The following STPG2 variants were observed in gnomAD, a reference collection of about 807,000 sequenced individuals.
The protein encoded by STPG2 is sperm-tail PG-rich repeat-containing protein 2.
A neutral mutation model predicts 54.2 loss-of-function variants in STPG2; 56 were observed. The ratio of observed to expected loss-of-function variants is 1.03; its 90% CI spans 0.83 to 1.29. The LOEUF (loss-of-function observed/expected upper bound fraction) is 1.29. STPG2 is among the 50% of genes most tolerant of loss of function. The probability of loss-of-function intolerance (pLI) is 0.00; values close to 1 mark genes in which losing one functional copy is unlikely to be tolerated. For missense variants in STPG2, 596 were observed against 544.9 expected (o/e 1.09, Z -0.93); for synonymous variants, 200 against 181.8 (o/e 1.10, Z -0.81).
At chr4:98,008,706 T>C (rs1209792149) in intron 5 of STPG2, among the ~76,000 whole-genome samples, 2 of 151,860 alleles carry the variant, frequency 1.3e-5, no homozygotes, top group Non-Finnish European at 1.5e-5. Context: ...GTAACAACAT[T>C]ATGAGAGGAA....
chr4:97,774,411 C>T (rs929738138), intron 9 of STPG2, among the ~76,000 whole-genome samples: 9 of 152,132 alleles, frequency 5.9e-5, no homozygotes, highest in African/African-American at 2.2e-4. Context: ...CTCATCACTC[C>T]TCCTCCTCAA....
rs1279051680 is a variant in STPG2 at position 97,905,008 on chromosome 4, T to C, written c.1044+38889A>G. 1.2e-4 allele frequency among the ~76,000 whole-genome samples: 19 copies of C among 152,018 alleles called. No homozygotes were observed. In the East Asian group the frequency reaches 3.1e-3, roughly 25 times the overall value. On this transcript the variant is annotated intron_variant, in intron 8 of 10. Coordinates refer to ENST00000295268, the MANE Select transcript of STPG2 (RefSeq NM_174952.3). The stretch of plus-strand genomic sequence containing the variant: ...GTGTACCTGAAAGTGACGGGGAGAA[T>C]GGAACCAAGTTGGAAAACACTCTGC...
At chr4:97,638,574 A>G (rs1372873140) in intron 10 of STPG2, among the ~76,000 whole-genome samples, 1 of 150,652 alleles carries the variant, frequency 6.6e-6, no homozygotes, top group Non-Finnish European at 1.5e-5. Context: ...AAAATGGGAG[A>G]AAATTTTTGC....
chr4:98,096,210 C>T (rs1738853276), intron 5 of STPG2, among the ~76,000 whole-genome samples: 1 of 152,050 alleles, frequency 6.6e-6, no homozygotes, highest in Non-Finnish European at 1.5e-5. Flanking sequence ...GCCTGGGCAA[C>T]ATGGGGAGAC....
chr4:97,982,690 T>C (rs1241320494), intron 5 of STPG2, among the ~76,000 whole-genome samples: 1 of 152,190 alleles, frequency 6.6e-6, no homozygotes, highest in Non-Finnish European at 1.5e-5. Context: ...TCCTTTAATG[T>C]AGGAACATTT....
intron 8 of STPG2, among the ~76,000 whole-genome samples, chr4:97,861,619 C>T (rs951548321): frequency 6.6e-6 from 1 of 151,794 alleles, no homozygotes; most frequent in African/African-American, 2.4e-5. Flanking sequence ...CATCAGGAGA[C>T]AAATGGATAA....
chr4:97,520,373 A>G (rs945841335), intron 4 of STPG2, among the ~76,000 whole-genome samples: 4 of 152,066 alleles, frequency 2.6e-5, no homozygotes, highest in African/African-American at 9.7e-5. Flanking sequence ...TACACTATAA[A>G]CTAGCCTTGA....
intron 4 of STPG2, among the ~76,000 whole-genome samples, chr4:97,498,598 G>A (rs1331865312): frequency 1.3e-5 from 2 of 150,858 alleles, no homozygotes; most frequent in Non-Finnish European, 3.0e-5. Flanking sequence ...TCTACAGCTG[G>A]AAAGGTAAAA....
chr4:97,640,706 C>CA (rs1214490482), intron 10 of STPG2, among the ~76,000 whole-genome samples: 1 of 150,844 alleles, frequency 6.6e-6, no homozygotes, highest in African/African-American at 2.4e-5. Context: ...TAAATATAAA[C>CA]AAAAAATTTA....
intron 4 of STPG2, among the ~76,000 whole-genome samples, chr4:97,467,210 A>G (rs1729808341): frequency 6.6e-6 from 1 of 151,950 alleles, no homozygotes; most frequent in Admixed American, 6.6e-5. Context: ...TTAAAACCTT[A>G]CAAAATGAGT....
chr4:97,816,569 T>A (rs1727917580), intron 9 of STPG2, among the ~76,000 whole-genome samples: 1 of 152,124 alleles, frequency 6.6e-6, no homozygotes, highest in African/African-American at 2.4e-5. Flanking sequence ...AGAGTGTTTC[T>A]GAAGAGATTA....
At chr4:97,718,766 T>C (rs1229880914) in intron 9 of STPG2, among the ~76,000 whole-genome samples, 2 of 152,114 alleles carry the variant, frequency 1.3e-5, no homozygotes, top group East Asian at 3.9e-4. Context: ...TACAGTATTC[T>C]TTGGTCACTA....
rs188094853 is a variant in STPG2 at position 97,846,784 on chromosome 4, A to G, written c.1045-5852T>C. Among the ~76,000 whole-genome samples the G allele has an allele frequency of 4.2e-3, 643 of 152,270 alleles. 3 individuals are homozygous for G. Among genetic ancestry groups the G allele is most frequent in the South Asian group, 0.024 (117 of 4,826 alleles). On this transcript the variant is annotated intron_variant, in intron 8 of 10. Transcript: ENST00000295268. ...GTCTAGGTCTAATAGCAAGAGGTAT[A>G]TGAAAGAAATTCTTGCAATACACTA... is the stretch of plus-strand genomic sequence containing the variant.
At chr4:98,028,788 G>C (rs1455504572) in intron 5 of STPG2, among the ~76,000 whole-genome samples, 1 of 151,788 alleles carries the variant, frequency 6.6e-6, no homozygotes, top group Non-Finnish European at 1.5e-5. Flanking sequence ...TGAGTACATT[G>C]ATTTTACATC....
intron 5 of STPG2, among the ~76,000 whole-genome samples, chr4:98,069,086 A>C (rs1168790898): frequency 6.6e-6 from 1 of 152,056 alleles, no homozygotes; most frequent in African/African-American, 2.4e-5. Context: ...TTAAAAATGT[A>C]TTAAAATGTA....
In STPG2 at chr4:97,639,071, A is replaced by G. The variant is rs911140017; in HGVS notation, c.1320+73628T>C. 4.7e-4 allele frequency among the ~76,000 whole-genome samples: 72 copies of G among 152,182 alleles called. 1 individual carries two copies. Among genetic ancestry groups the G allele is most frequent in the Middle Eastern group, 6.8e-3 (2 of 294 alleles). Reference sequence around the variant, plus strand: ...GTATGTTTATTGCGGCATTATTCACAATAGCAAAGACTTGGAACCAACCCA... The same window carrying G: ...GTATGTTTATTGCGGCATTATTCACGATAGCAAAGACTTGGAACCAACCCA... On this transcript the variant is annotated intron_variant, in intron 10 of 10. Coordinates refer to ENST00000295268, the MANE Select transcript of STPG2 (RefSeq NM_174952.3).
At chr4:97,776,176 T>A (rs1435781720) in intron 9 of STPG2, among the ~76,000 whole-genome samples, 1 of 152,234 alleles carries the variant, frequency 6.6e-6, no homozygotes, top group African/African-American at 2.4e-5. Flanking sequence ...TTTACATGTA[T>A]GTATATACAC....
intron 8 of STPG2, among the ~76,000 whole-genome samples, chr4:97,910,194 C>T (rs891389725): frequency 6.6e-6 from 1 of 152,176 alleles, no homozygotes; most frequent in African/African-American, 2.4e-5. Flanking sequence ...CCACTCACCA[C>T]CGGGTGCTGC....
chr4:98,046,805 T>C (rs1737143402), intron 5 of STPG2, among the ~76,000 whole-genome samples: 1 of 152,188 alleles, frequency 6.6e-6, no homozygotes, highest in Non-Finnish European at 1.5e-5. Flanking sequence ...GCTTTGCTTT[T>C]TGTCACCCCT....
Sources: gnomAD v4.1 joint callset for allele counts (sites outside exome capture counted in the v4.1 genomes callset) on GRCh38, gnomAD v4.1.1 for gene constraint, MANE v1.5 for transcripts, NCBI Gene and HGNC (gene_info 2026-07-23, HGNC 2026-07-21) for gene names.